The following SP140 variants were observed in gnomAD, a reference collection of about 807,000 sequenced individuals.
The protein encoded by SP140 is nuclear body protein SP140.
SP140 carries 81 observed loss-of-function variants against 125.0 expected under a neutral mutation model. The observed-to-expected ratio is 0.65, with a 90% CI of 0.54 to 0.78. The LOEUF (loss-of-function observed/expected upper bound fraction) is 0.78, where lower values mean the gene tolerates loss of function less well. Among genes scored for constraint, SP140 ranks in the 30% least tolerant of loss-of-function variants. The pLI is 0.00. For missense variants in SP140, 858 were observed against 1,037.0 expected (o/e 0.83, Z 2.37); for synonymous variants, 312 against 354.0 (o/e 0.88, Z 1.33).
At chr2:230,279,926 GTT>G (rs78689393) in intron 15 of SP140, among the ~76,000 whole-genome samples, 1 of 145,394 alleles carries the variant, frequency 6.9e-6, no homozygotes, top group Non-Finnish European at 1.5e-5. Flanking sequence ...AAACCAAGGT[GTT>G]TTTTTTTTTA....
At chr2:230,280,288 C>T (rs2055350615) in intron 15 of SP140, among the ~76,000 whole-genome samples, 1 of 152,108 alleles carries the variant, frequency 6.6e-6, no homozygotes, top group South Asian at 2.1e-4. Flanking sequence ...AATGCTTTTG[C>T]CGTAAAATCT....
At chr2:230,305,686 G>T (rs574772723) in intron 22 of SP140, among the ~76,000 whole-genome samples, 1 of 152,232 alleles carries the variant, frequency 6.6e-6, no homozygotes, top group Non-Finnish European at 1.5e-5. Flanking sequence ...GCCCGAACGC[G>T]GAGCAGTGGC....
chr2:230,237,371 T>C lies in SP140; in HGVS notation c.237+111T>C. ...CTCCTGTGAGTGGGGACCTTCACCATTCTGTAGGTTAGGAGGTGACAGGAG... is the reference window on the plus strand; with the variant it reads ...CTCCTGTGAGTGGGGACCTTCACCACTCTGTAGGTTAGGAGGTGACAGGAG... On this transcript the variant is annotated intron_variant, in intron 2 of 26. Transcript: ENST00000392045. This position sits in a 1 kb window ranked among gnomAD's most constrained non-coding sequence, Gnocchi z 5.4. 1.1e-6 allele frequency: 1 copy of C among 890,370 alleles called. No homozygotes were observed. The highest frequency in any genetic ancestry group is 1.7e-6 in the Non-Finnish European group (1 of 578,690). The allele number at this position is 890,370 out of a possible 1,614,324, so 55.2% of individuals were successfully genotyped here.
intron 22 of SP140, among the ~76,000 whole-genome samples, chr2:230,304,946 A>G (rs1403972729): frequency 6.6e-6 from 1 of 152,248 alleles, no homozygotes; most frequent in Non-Finnish European, 1.5e-5. Flanking sequence ...ATACAGCAAA[A>G]GAAATAACAG....
chr2:230,228,701 A>G (rs761022426), intron 1 of SP140, among the ~76,000 whole-genome samples: 1 of 152,178 alleles, frequency 6.6e-6, no homozygotes, highest in Non-Finnish European at 1.5e-5. Flanking sequence ...AAATTGATAT[A>G]GCTACTATAC....
upstream of SP140, chr2:230,200,804 A>C: frequency 8.9e-7 from 1 of 1,118,002 alleles, no homozygotes; most frequent in African/African-American, 1.5e-5. Context: ...AAAAGTTAAG[A>C]AATATTGCCT....
intron 12 of SP140, among the ~76,000 whole-genome samples, chr2:230,260,845 TTATAGTA>T (rs1282655693): frequency 7.9e-5 from 12 of 152,224 alleles, no homozygotes; most frequent in East Asian, 7.7e-4. Flanking sequence ...GACTATGGCC[TTATAGTA>T]TAGTTTGAAA....
rs760138169 is a variant in SP140, at chr2:230,247,944, G to A, written c.771G>A (p.Ala257=). 1.4e-5 allele frequency: 23 copies of A among 1,613,552 alleles called. No homozygotes were observed. Among genetic ancestry groups the A allele is most frequent in the South Asian group, 3.3e-5 (3 of 91,044 alleles). ...TAGAAAGCAACGGGATGATAGATGC[G>A]GCAAGGACATACAGCACAGCACCAG... ...EVLESNGMID[A]ARTYSTAPGE... is the part of the protein sequence containing the mutation. The change falls in exon 8 of 27, where the codon GCG becomes GCA. Residue 257 remains alanine, a synonymous_variant. Transcript: ENST00000392045.
At chr2:230,296,898 G>C (rs1268003988) in intron 21 of SP140, among the ~76,000 whole-genome samples, 4 of 152,178 alleles carry the variant, frequency 2.6e-5, no homozygotes, top group Non-Finnish European at 1.5e-5. Context: ...TGGGATTAAC[G>C]GTAGTACTTG....
intron 9 of SP140, among the ~76,000 whole-genome samples, chr2:230,250,731 A>G (rs1015808819): frequency 5.9e-5 from 9 of 152,094 alleles, no homozygotes; most frequent in African/African-American, 2.2e-4. Context: ...TGCCTAGGAA[A>G]GGGGGAGGGG....
intron 15 of SP140, among the ~76,000 whole-genome samples, chr2:230,280,108 C>G (rs945901994): frequency 2.6e-5 from 4 of 152,084 alleles, no homozygotes; most frequent in Non-Finnish European, 5.9e-5. Flanking sequence ...TTTATTTGCT[C>G]CATCAGATTT....
At chr2:230,312,468 A>T (rs374268460) in intron 26 of SP140, 118 bp from the exon 27 acceptor site, 2 of 638,616 alleles carry the variant, frequency 3.1e-6, no homozygotes, top group Non-Finnish European at 5.4e-6. Context: ...GCCATTATAA[A>T]TTGTAGACTT....
At chr2:230,298,666 C>A (rs1246673350) in intron 22 of SP140, among the ~76,000 whole-genome samples, 2 of 152,190 alleles carry the variant, frequency 1.3e-5, no homozygotes, top group Admixed American at 1.3e-4. Context: ...TTATAATATC[C>A]CCATGCGTCC....
At chr2:230,253,524 C>T (rs2050696980) in intron 11 of SP140, 107 bp downstream of exon 11, 12 of 782,794 alleles carry the variant, frequency 1.5e-5, no homozygotes, top group Admixed American at 4.4e-5. Flanking sequence ...TCTTCACATT[C>T]GCATACATAC....
At chr2:230,290,620 G>T in intron 19 of SP140, 56 bp downstream of exon 19, 1 of 1,386,390 alleles carries the variant, frequency 7.2e-7, no homozygotes, top group Admixed American at 1.8e-5. Flanking sequence ...ATCACAAGTA[G>T]TGGGGAATTA....
At chr2:230,240,961 T>TA (rs2048641050) in intron 3 of SP140, among the ~76,000 whole-genome samples, 1 of 152,144 alleles carries the variant, frequency 6.6e-6, no homozygotes, top group Non-Finnish European at 1.5e-5. Flanking sequence ...ATAATACTAT[T>TA]CAGCAATAAA....
At chr2:230,271,995 A>G (rs2053998189) in intron 15 of SP140, among the ~76,000 whole-genome samples, 1 of 152,218 alleles carries the variant, frequency 6.6e-6, no homozygotes, top group Non-Finnish European at 1.5e-5. Flanking sequence ...ACCTAGGAAT[A>G]CAGCTAATTA....
At chr2:230,205,096 A>C (rs1269249283) in intron 1 of SP140, among the ~76,000 whole-genome samples, 4 of 152,208 alleles carry the variant, frequency 2.6e-5, no homozygotes, top group African/African-American at 9.7e-5. Context: ...TAAGCATGGA[A>C]ATAAACTAAT....
Position 230,298,282 on chromosome 2 carries a change from C to G in SP140, c.2058+820C>G, listed in dbSNP as rs201649618. ...ATTGCAGTGAGATGTCTGTTTTAGG[C>G]CGGGTCACCTTCTTGCACAACTCTG... On this transcript the variant is annotated intron_variant, in intron 22 of 26. Transcript: ENST00000392045. Among the ~76,000 whole-genome samples, 6 of 152,150 alleles carry G rather than the reference C, an allele frequency of 3.9e-5. No individual in the cohort carries two copies. The East Asian group carries it at 1.2e-3, about 29-fold the overall frequency.
Sources: gnomAD v4.1 joint callset for allele counts (sites outside exome capture counted in the v4.1 genomes callset) on GRCh38, gnomAD v4.1.1 for gene constraint, Gnocchi (gnomAD v3.1) non-coding constraint, MANE v1.5 for transcripts, NCBI Gene and HGNC (gene_info 2026-07-23, HGNC 2026-07-21) for gene names.